Variants in KLHL1 observed in about 807,000 individuals in gnomAD.
The protein encoded by KLHL1 is kelch-like protein 1.
KLHL1 carries 47 observed loss-of-function variants against 77.7 expected under a neutral mutation model. The observed-to-expected ratio is 0.60, with a 90% confidence interval of 0.48 to 0.77. KLHL1 has a LOEUF of 0.77. Among genes scored for constraint, KLHL1 ranks in the 30% least tolerant of loss-of-function variants. The pLI, the probability that KLHL1 is intolerant of heterozygous loss-of-function variation, is 0.00. For synonymous variants in KLHL1, 360 were observed against 325.2 expected (o/e 1.11, Z -1.15); for missense variants, 925 against 910.8 (o/e 1.02, Z -0.20).
intron 7 of KLHL1, among the ~76,000 whole-genome samples, chr13:69,744,973 T>C (rs1265519744): frequency 6.6e-6 from 1 of 152,042 alleles, no homozygotes; most frequent in African/African-American, 2.4e-5. Flanking sequence ...TTTACCCAGA[T>C]GTAAAATTTC....
chr13:70,091,036 T>TCC (rs2137441905), intron 1 of KLHL1, among the ~76,000 whole-genome samples: 1 of 152,208 alleles, frequency 6.6e-6, no homozygotes, highest in South Asian at 2.1e-4. Context: ...TTCTATCTTA[T>TCC]TCTCTGATCC....
chr13:69,794,343 A>C (rs1593838568), intron 7 of KLHL1, among the ~76,000 whole-genome samples: 1 of 152,118 alleles, frequency 6.6e-6, no homozygotes, highest in Non-Finnish European at 1.5e-5. Flanking sequence ...CCCTTCATAC[A>C]ATTACCCAAA....
chr13:70,056,455 C>T (rs1886747479), intron 1 of KLHL1, among the ~76,000 whole-genome samples: 1 of 152,110 alleles, frequency 6.6e-6, no homozygotes, highest in Non-Finnish European at 1.5e-5. Context: ...AACAAAGAAA[C>T]ATCAAACTTA....
At chr13:69,749,483 T>A (rs1179062836) in intron 7 of KLHL1, among the ~76,000 whole-genome samples, 1 of 152,132 alleles carries the variant, frequency 6.6e-6, no homozygotes, top group East Asian at 1.9e-4. Context: ...TGTAGCTTTT[T>A]GCATATACTC....
At chr13:70,059,864 G>C (rs1449721068) in intron 1 of KLHL1, among the ~76,000 whole-genome samples, 1 of 152,074 alleles carries the variant, frequency 6.6e-6, no homozygotes, top group African/African-American at 2.4e-5. Flanking sequence ...TGCACACTTT[G>C]AAACAACTAG....
intron 4 of KLHL1, among the ~76,000 whole-genome samples, chr13:69,923,693 A>G (rs1882716890): frequency 6.6e-6 from 1 of 152,218 alleles, no homozygotes; most frequent in East Asian, 1.9e-4. Context: ...ACAATATAGT[A>G]CTGATGAATA....
chr13:69,919,876 G>A (rs905970829), intron 4 of KLHL1, among the ~76,000 whole-genome samples: 1 of 152,088 alleles, frequency 6.6e-6, no homozygotes, highest in Non-Finnish European at 1.5e-5. Context: ...TTCTAATTAG[G>A]CTGATGGAGA....
At chr13:69,925,099 G>A (rs1882770166) in intron 4 of KLHL1, among the ~76,000 whole-genome samples, 1 of 152,150 alleles carries the variant, frequency 6.6e-6, no homozygotes, top group South Asian at 2.1e-4. Context: ...GGTCCAGCAG[G>A]TTCAATCAAA....
chr13:69,951,975 T>C (rs991942117), intron 3 of KLHL1, among the ~76,000 whole-genome samples: 2 of 151,402 alleles, frequency 1.3e-5, no homozygotes, highest in Non-Finnish European at 3.0e-5. Flanking sequence ...GCACATTGAG[T>C]TATGTCATAG....
chr13:70,018,993 C>G (rs575058959), intron 1 of KLHL1, among the ~76,000 whole-genome samples: 2 of 152,170 alleles, frequency 1.3e-5, no homozygotes, highest in Non-Finnish European at 2.9e-5. Context: ...GTCCATGTAA[C>G]ATTTCAAATT....
At chr13:70,040,861 G>A (rs181963660) in intron 1 of KLHL1, among the ~76,000 whole-genome samples, 1 of 152,134 alleles carries the variant, frequency 6.6e-6, no homozygotes, top group African/African-American at 2.4e-5. Context: ...AACCCCAAAG[G>A]CACAAATATT....
chr13:70,084,750 C>T (rs1887491373), intron 1 of KLHL1, among the ~76,000 whole-genome samples: 1 of 148,686 alleles, frequency 6.7e-6, no homozygotes. Context: ...GCTGGAATTA[C>T]AGGCGTGAGC....
chr13:69,932,777 A>G (rs1318269989), intron 4 of KLHL1, among the ~76,000 whole-genome samples: 1 of 151,982 alleles, frequency 6.6e-6, no homozygotes, highest in Non-Finnish European at 1.5e-5. Context: ...AAACAAAAAT[A>G]TGCAAATAAG....
chr13:69,934,207 T>C lies in KLHL1; in HGVS notation c.1014+5833A>G, dbSNP rs181724333. On this transcript the variant is annotated intron_variant, in intron 4 of 10. Transcript: ENST00000377844. Reference sequence around the variant, plus strand: ...AACTTTATGTGTGCCATCACCAGCATCATTGGTGGTAAGGCTCGCCATCAG... The same window carrying C: ...AACTTTATGTGTGCCATCACCAGCACCATTGGTGGTAAGGCTCGCCATCAG... 1.6e-4 allele frequency among the ~76,000 whole-genome samples: 25 copies of C among 152,264 alleles called. No homozygotes were observed. In the East Asian group the frequency reaches 4.8e-3, roughly 29 times the overall value.
chr13:70,055,497 G>T (rs1486795835), intron 1 of KLHL1, among the ~76,000 whole-genome samples: 1 of 152,020 alleles, frequency 6.6e-6, no homozygotes, highest in Non-Finnish European at 1.5e-5. Flanking sequence ...AATGGTAACA[G>T]TAAATACACA....
chr13:69,782,906 C>T (rs908689012), intron 7 of KLHL1, among the ~76,000 whole-genome samples: 20 of 152,198 alleles, frequency 1.3e-4, no homozygotes, highest in African/African-American at 4.3e-4. Context: ...CTGGGAGGCA[C>T]CCCCAAGTAG....
chr13:69,721,703 A>T (rs1406848804), intron 8 of KLHL1, among the ~76,000 whole-genome samples: 1 of 152,120 alleles, frequency 6.6e-6, no homozygotes, highest in Non-Finnish European at 1.5e-5. Flanking sequence ...AATCCTGGGA[A>T]TGTTTTTCTA....
chr13:69,957,100 G>A (rs1883912118), intron 3 of KLHL1, among the ~76,000 whole-genome samples: 1 of 151,578 alleles, frequency 6.6e-6, no homozygotes, highest in Non-Finnish European at 1.5e-5. Context: ...GCTTATTGAA[G>A]ATTAAATGAT....
At chr13:69,773,183 T>A (rs572468544) in intron 7 of KLHL1, among the ~76,000 whole-genome samples, 1 of 152,168 alleles carries the variant, frequency 6.6e-6, no homozygotes, top group African/African-American at 2.4e-5. Context: ...TTTCTTAAAC[T>A]AAAAAGGTAA....
Sources: gnomAD v4.1 joint callset for allele counts (sites outside exome capture counted in the v4.1 genomes callset) on GRCh38, gnomAD v4.1.1 for gene constraint, MANE v1.5 for transcripts, NCBI Gene and HGNC (gene_info 2026-07-23, HGNC 2026-07-21) for gene names.